MICAL2: variants seen among roughly 807,000 people sequenced by gnomAD.
The protein encoded by MICAL2 is microtubule associated monooxygenase, calponin and LIM domain containing 2, also known as [F-actin]-monooxygenase MICAL2.
MICAL2 carries 77 observed loss-of-function variants against 127.3 expected under a neutral mutation model. The ratio of observed to expected loss-of-function variants is 0.60; its 90% CI spans 0.50 to 0.73. MICAL2 has a LOEUF of 0.73. MICAL2 is among the 30% of genes least tolerant of loss of function. The pLI, the probability that MICAL2 is intolerant of heterozygous loss-of-function variation, is 0.00. For missense variants in MICAL2, 1,351 were observed against 1,434.4 expected (o/e 0.94, Z 0.94); for synonymous variants, 570 against 551.1 (o/e 1.03, Z -0.48).
downstream of MICAL2, among the ~76,000 whole-genome samples, chr11:12,292,554 A>C (rs1016850376): frequency 1.3e-5 from 2 of 152,186 alleles, no homozygotes; most frequent in African/African-American, 4.8e-5. Context: ...TTTAGACTCC[A>C]TGCCAGGTCT....
At chr11:12,299,800 G>C (rs565549078) in intron 29 of MICAL2, among the ~76,000 whole-genome samples, 2 of 152,280 alleles carry the variant, frequency 1.3e-5, no homozygotes, top group East Asian at 3.9e-4. Flanking sequence ...GCACCCAGAA[G>C]ACTCCCTCAT....
At chr11:12,303,515 G>T (rs1311525456) in intron 29 of MICAL2, 3 of 152,166 alleles carry the variant, frequency 2.0e-5, no homozygotes, top group Admixed American at 2.0e-4. Flanking sequence ...TGTATCATCT[G>T]AACAGAGACA....
At chr11:12,124,594 G>A (rs1053630620) in intron 1 of MICAL2, among the ~76,000 whole-genome samples, 1 of 152,196 alleles carries the variant, frequency 6.6e-6, no homozygotes, top group African/African-American at 2.4e-5. Context: ...CCGTGCTCTG[G>A]GAGGTCACTT....
chr11:12,227,178 G>A lies in MICAL2; in HGVS notation c.1995+47G>A, dbSNP rs568005029. On this transcript the variant is annotated intron_variant, in intron 15 of 27. Coordinates refer to ENST00000683283, the MANE Select transcript of MICAL2 (RefSeq NM_001282663.2). The stretch of plus-strand genomic sequence containing the variant: ...GTTTTATTTCCCATTGCACATGGAC[G>A]GGGTATGAGGAACGGAGATTGTCAC... 40 of 1,314,848 alleles carry A rather than the reference G, an allele frequency of 3.0e-5. 1 individual carries two copies. The highest frequency in any genetic ancestry group is 2.5e-4 in the South Asian group (21 of 83,832). 81.4% of individuals were successfully genotyped at this position (1,314,848 alleles called of 1,614,324 possible). A position where few individuals can be genotyped will look rare whatever the true frequency, so the allele number is the denominator to read the frequency against.
intron 2 of MICAL2, among the ~76,000 whole-genome samples, chr11:12,145,724 A>C (rs193255202): frequency 4.6e-5 from 7 of 152,354 alleles, no homozygotes; most frequent in African/African-American, 1.4e-4. Context: ...CTGTCCATGC[A>C]GGTGTATACA....
chr11:12,288,418 G>C (rs1289956927), downstream of MICAL2, among the ~76,000 whole-genome samples: 1 of 152,238 alleles, frequency 6.6e-6, no homozygotes, highest in African/African-American at 2.4e-5. Context: ...AGCCTGGGGT[G>C]AGAGCAGGGA....
chr11:12,350,065 T>C (rs17392456), intron 33 of MICAL2: 29,193 of 651,570 alleles, frequency 0.045, 816 homozygotes, highest in Non-Finnish European at 0.062. Context: ...TTGAGGCAAA[T>C]TGATATTTTA....
chr11:12,190,423 C>G (rs571218564), intron 3 of MICAL2, among the ~76,000 whole-genome samples: 1 of 152,292 alleles, frequency 6.6e-6, no homozygotes, highest in African/African-American at 2.4e-5. Flanking sequence ...TGAGGATTTT[C>G]TGTCACCTCT....
At chr11:12,225,004 C>T (rs1857243270) in intron 13 of MICAL2, among the ~76,000 whole-genome samples, 184 bp downstream of exon 13, 1 of 152,124 alleles carries the variant, frequency 6.6e-6, no homozygotes, top group African/African-American at 2.4e-5. Flanking sequence ...GATCTGTGTT[C>T]CTAATATGTG....
At chr11:12,236,502 A>C (rs1363386405) in intron 16 of MICAL2, among the ~76,000 whole-genome samples, 1 of 152,238 alleles carries the variant, frequency 6.6e-6, no homozygotes, top group Non-Finnish European at 1.5e-5. Context: ...CTTGAAATAC[A>C]TGAAACTTGG....
At chr11:12,115,978 CTTTTTTT>C (rs1201204008) in intron 1 of MICAL2, among the ~76,000 whole-genome samples, 11 of 134,692 alleles carry the variant, frequency 8.2e-5, no homozygotes, top group Non-Finnish European at 6.5e-5. Flanking sequence ...CTTTCCCTTT[CTTTTTTT>C]TTTTTTTTTT....
intron 29 of MICAL2, among the ~76,000 whole-genome samples, chr11:12,300,776 C>G (rs1864037877): frequency 6.6e-6 from 1 of 152,178 alleles, no homozygotes; most frequent in African/African-American, 2.4e-5. Flanking sequence ...GAGCAAAGGG[C>G]CCCATTGAGC....
chr11:12,131,560 C>T (rs904966809), intron 1 of MICAL2, among the ~76,000 whole-genome samples: 1 of 152,210 alleles, frequency 6.6e-6, no homozygotes, highest in Non-Finnish European at 1.5e-5. Context: ...TTCCTAAACC[C>T]TCTCAGACCC....
intron 2 of MICAL2, among the ~76,000 whole-genome samples, chr11:12,157,956 C>T (rs1171945629): frequency 6.6e-6 from 1 of 151,832 alleles, no homozygotes. Flanking sequence ...ATGAGTTGTC[C>T]AAGTCTACAC....
At chr11:12,323,917 T>G (rs1027421498) in intron 30 of MICAL2, 2 of 1,549,450 alleles carry the variant, frequency 1.3e-6, no homozygotes, top group Non-Finnish European at 1.7e-6. Flanking sequence ...TATAACGATA[T>G]TTTGTAAATT....
intron 26 of MICAL2, 25 bp from the exon 27 acceptor site, chr11:12,262,455 T>G (rs1565280237): frequency 1.2e-6 from 2 of 1,613,364 alleles, no homozygotes. Flanking sequence ...TCTCTCTCTT[T>G]CCAATCTTAC....
intron 29 of MICAL2, among the ~76,000 whole-genome samples, chr11:12,301,568 A>G (rs1864047347): frequency 6.6e-6 from 1 of 152,234 alleles, no homozygotes; most frequent in African/African-American, 2.4e-5. Flanking sequence ...GATTTTAATC[A>G]GTAACATGCT....
downstream of MICAL2, among the ~76,000 whole-genome samples, chr11:12,296,460 AACTTT>A (rs1863986648): frequency 2.0e-5 from 3 of 150,890 alleles, no homozygotes; most frequent in African/African-American, 7.3e-5. Flanking sequence ...TAAACTATTA[AACTTT>A]AGTTTAATAA....
intron 32 of MICAL2, among the ~76,000 whole-genome samples, chr11:12,346,653 A>G (rs1016349588): frequency 6.6e-6 from 1 of 151,874 alleles, no homozygotes; most frequent in Non-Finnish European, 1.5e-5. Flanking sequence ...ACACACAATT[A>G]ATTGCCTGCC....
Sources: gnomAD v4.1 joint callset for allele counts (sites outside exome capture counted in the v4.1 genomes callset) on GRCh38, gnomAD v4.1.1 for gene constraint, MANE v1.5 for transcripts, NCBI Gene and HGNC (gene_info 2026-07-23, HGNC 2026-07-21) for gene names.